Variants in VSIG1 observed in about 807,000 individuals in gnomAD.
The protein encoded by VSIG1 is V-set and immunoglobulin domain-containing protein 1.
In VSIG1, 11 loss-of-function variants were observed where a neutral mutation model predicts 20.1. The observed-to-expected ratio is 0.55, with a 90% CI of 0.34 to 0.91. VSIG1 has a LOEUF of 0.91. Ranked by LOEUF, VSIG1 falls within the 40% of genes least tolerant of loss-of-function variation. VSIG1 has a pLI of 0.02. For missense variants in VSIG1, 283 were observed against 298.8 expected (o/e 0.95, Z 0.39); for synonymous variants, 126 against 116.7 (o/e 1.08, Z -0.52).
the VSIG1 span, among the ~76,000 whole-genome samples, chrX:108,037,913 G>T: frequency 9.0e-6 from 1 of 111,551 alleles, no homozygotes. Flanking sequence ...AAAGCAGGTG[G>T]ATTGGGAGGG....
At position 108,076,078 on chromosome X, in the gene VSIG1, T is replaced by A; in HGVS notation, c.690T>A (p.His230Gln). ...SSCEIDLTSS[H>Q]PEVGIIVGAL... ...TAACCAGCTGCTTGTATCCTTCAGA[T>A]CCAGAAGTTGGAATCATTGTTGGGG... The change falls in exon 6 of 7, where the codon CAT (histidine) becomes CAA (glutamine). Residue 230 changes from histidine (H) to glutamine (Q), a missense_variant and splice_region_variant. By Grantham distance (24) the His-to-Gln change is conservative. Coordinates refer to ENST00000217957, the MANE Select transcript of VSIG1 (RefSeq NM_182607.5). 1 of 1,211,213 alleles carries A rather than the reference T, an allele frequency of 8.3e-7. No individual in the cohort carries two copies. Among genetic ancestry groups the A allele is most frequent in the Non-Finnish European group, 1.1e-6 (1 of 895,163 alleles).
chrX:108,046,561 T>C (rs1354441360), intron 1 of VSIG1, among the ~76,000 whole-genome samples: 3 of 110,894 alleles, frequency 2.7e-5, no homozygotes, highest in East Asian at 2.8e-4. Flanking sequence ...ACAGTTTTTT[T>C]TTTTTTTAAC....
chrX:108,060,184 T>C (rs1224466074), intron 2 of VSIG1, among the ~76,000 whole-genome samples: 1 of 111,887 alleles, frequency 8.9e-6, no homozygotes, highest in Non-Finnish European at 1.9e-5. Context: ...ATTTATTGAG[T>C]AGCTTATTTA....
chrX:108,063,540 C>T (rs1199878748), intron 2 of VSIG1, among the ~76,000 whole-genome samples: 1 of 111,285 alleles, frequency 9.0e-6, no homozygotes, highest in Non-Finnish European at 1.9e-5. Context: ...GCCTTGTTTG[C>T]GTTGACTTTT....
rs1234987978 is a variant in VSIG1, at chrX:108,079,007, A to C, written c.*1626A>C. On this transcript the variant is annotated 3_prime_UTR_variant, in exon 7 of 7. Coordinates refer to ENST00000217957, the MANE Select transcript of VSIG1 (RefSeq NM_182607.5). ...TTTCACCCACATCTCACCTTGAAGAAACTTACAGGTAGACTTACCTTTTCA... is the reference window on the plus strand; with the variant it reads ...TTTCACCCACATCTCACCTTGAAGACACTTACAGGTAGACTTACCTTTTCA... 8.9e-6 allele frequency: 1 copy of C among 112,352 alleles called. No individual in the cohort carries two copies. The highest frequency in any genetic ancestry group is 1.9e-5 in the Non-Finnish European group (1 of 53,287). 9.3% of individuals were successfully genotyped at this position (112,352 alleles called of 1,213,427 possible).
the VSIG1 span, among the ~76,000 whole-genome samples, chrX:108,019,159 G>A: frequency 8.9e-6 from 1 of 112,052 alleles, no homozygotes; most frequent in Non-Finnish European, 1.9e-5. Context: ...GGCAGGAGCT[G>A]TGATGGGTTG....
intron 5 of VSIG1, among the ~76,000 whole-genome samples, chrX:108,075,793 T>C (rs1169999555): frequency 9.0e-6 from 1 of 111,330 alleles, no homozygotes; most frequent in East Asian, 2.8e-4. Flanking sequence ...AGTGACCAGA[T>C]CACAACTCCA....
chrX:108,044,479 T>C (rs2030529193), upstream of VSIG1, among the ~76,000 whole-genome samples: 1 of 111,966 alleles, frequency 8.9e-6, no homozygotes, highest in Non-Finnish European at 1.9e-5. Context: ...GCTATAAGGT[T>C]TCTAACCCGA....
intron 2 of VSIG1, among the ~76,000 whole-genome samples, chrX:108,065,159 C>T (rs2031103405): frequency 8.9e-6 from 1 of 111,919 alleles, no homozygotes; most frequent in Admixed American, 9.5e-5. Flanking sequence ...AGCTTTCTGC[C>T]TTAGTTTTAA....
chrX:108,033,815 T>A, the VSIG1 span, among the ~76,000 whole-genome samples: 465 of 109,270 alleles, frequency 4.3e-3, 6 homozygotes, highest in African/African-American at 0.015. Context: ...CCAGGGAAAA[T>A]TAGAAAGCTC....
chrX:108,075,245 G>A (rs1163243551), intron 5 of VSIG1, among the ~76,000 whole-genome samples: 2 of 111,700 alleles, frequency 1.8e-5, no homozygotes, highest in African/African-American at 6.5e-5. Flanking sequence ...ACATATCAGA[G>A]CAAACATAAT....
upstream of VSIG1, among the ~76,000 whole-genome samples, chrX:108,043,065 G>A (rs1158459358): frequency 9.0e-6 from 1 of 111,476 alleles, no homozygotes; most frequent in Non-Finnish European, 1.9e-5. Flanking sequence ...AGGGACCCAG[G>A]AGCCAGGGGG....
At chrX:108,038,064 T>G in the VSIG1 span, among the ~76,000 whole-genome samples, 3 of 111,769 alleles carry the variant, frequency 2.7e-5, no homozygotes, top group Non-Finnish European at 5.6e-5. Flanking sequence ...CAACTGCTAG[T>G]ATAAATGCCT....
chrX:108,055,184 C>T (rs1449580320), intron 1 of VSIG1, among the ~76,000 whole-genome samples: 1 of 111,029 alleles, frequency 9.0e-6, no homozygotes, highest in Non-Finnish European at 1.9e-5. Context: ...AACAATTATA[C>T]ATTCATATAT....
Position 108,077,076 on chromosome X carries a change from G to C in VSIG1, c.859G>C (p.Glu287Gln), listed in dbSNP as rs1170015441. ...EPMTKINPRG[E>Q]SEAMPREDAT... is the part of the protein sequence containing the mutation. ...AATGACAAAGATAAACCCAAGGGGA[G>C]AAAGCGAAGCAATGCCAAGAGAAGA... The change falls in exon 7 of 7, where the codon GAA becomes CAA. Residue 287 changes from glutamate (E) to glutamine (Q), a missense_variant. Physicochemically the swap from Glu to Gln is conservative, Grantham distance 29 (BLOSUM62 2). Coordinates refer to ENST00000217957, the MANE Select transcript of VSIG1 (RefSeq NM_182607.5). The C allele has an allele frequency of 8.3e-7, 1 of 1,210,474 alleles. No homozygotes were observed. Among genetic ancestry groups the C allele is most frequent in the African/African-American group, 1.7e-5 (1 of 57,733 alleles).
In VSIG1 at chrX:108,048,241, G is replaced by A. The variant is rs1217542679; in HGVS notation, c.49+3062G>A. ...TGGTCTTGAACTCCCAACCTCAGGC[G>A]ACCCGCCCACCTCAGCCTCCCAAAG... On this transcript the variant is annotated intron_variant, in intron 1 of 6. Coordinates refer to ENST00000217957, the MANE Select transcript of VSIG1 (RefSeq NM_182607.5). Among the ~76,000 whole-genome samples the A allele has an allele frequency of 1.4e-4, 15 of 108,322 alleles. No homozygotes were observed. In the South Asian group the frequency reaches 5.6e-3, roughly 40 times the overall value. 94.1% of individuals were successfully genotyped at this position (108,322 alleles called of 115,157 possible).
rs2031094304 is a variant in VSIG1 at position 108,064,733 on chromosome X, GC to G, written c.214-2201del. ...AGTCTCCTTGGGAGGAGGGGAAGTG[GC>G]CAGATGTTGAGGCTGTGAAGGGCAC... On this transcript the variant is annotated intron_variant, in intron 2 of 6. Coordinates refer to ENST00000217957, the MANE Select transcript of VSIG1 (RefSeq NM_182607.5). 4 of 751,893 alleles carry G rather than the reference GC, an allele frequency of 5.3e-6. No homozygotes were observed. In the South Asian group the frequency reaches 2.7e-4, roughly 51 times the overall value. 62.0% of individuals were successfully genotyped at this position (751,893 alleles called of 1,213,427 possible).
At chrX:108,032,861 T>C in the VSIG1 span, among the ~76,000 whole-genome samples, 433 of 111,557 alleles carry the variant, frequency 3.9e-3, 2 homozygotes, top group African/African-American at 0.013. Context: ...ACACATACCC[T>C]CACTGAATAA....
intron 1 of VSIG1, among the ~76,000 whole-genome samples, chrX:108,048,290 A>G (rs998782648): frequency 9.1e-6 from 1 of 110,495 alleles, no homozygotes; most frequent in African/African-American, 3.3e-5. Context: ...GGCGTGAGCC[A>G]CTGCGCCCAG....
Sources: gnomAD v4.1 joint callset for allele counts (sites outside exome capture counted in the v4.1 genomes callset) on GRCh38, gnomAD v4.1.1 for gene constraint, MANE v1.5 for transcripts, NCBI Gene and HGNC (gene_info 2026-07-23, HGNC 2026-07-21) for gene names.